The following GRID1 variants were observed in gnomAD, a reference collection of about 807,000 sequenced individuals.
The protein encoded by GRID1 is glutamate receptor ionotropic, delta-1.
GRID1 carries 28 observed loss-of-function variants against 98.0 expected under a neutral mutation model. The ratio of observed to expected loss-of-function variants is 0.29; its 90% CI spans 0.21 to 0.39. GRID1 has a LOEUF of 0.39. Among genes scored for constraint, GRID1 ranks in the 10% least tolerant of loss-of-function variants. The pLI is 1.00. For missense variants in GRID1, 1,111 were observed against 1,340.5 expected, an observed-to-expected ratio of 0.83 and a Z score of 2.67; for synonymous variants, 553 against 538.5, an observed-to-expected ratio of 1.03 and a Z score of -0.37.
chr10:86,304,015 C>A (rs1335750227), intron 2 of GRID1, among the ~76,000 whole-genome samples: 1 of 152,200 alleles, frequency 6.6e-6, no homozygotes, highest in African/African-American at 2.4e-5. Context: ...CCATCATTTC[C>A]TCCCCTCCAG....
intron 4 of GRID1, among the ~76,000 whole-genome samples, chr10:86,038,251 G>A (rs61856050): frequency 0.095 from 14,391 of 152,156 alleles, 820 homozygotes; most frequent in African/African-American, 0.15. Flanking sequence ...ACCGTGGCCA[G>A]TTTCAAGCTA....
In GRID1 at chr10:85,793,133, A is replaced by G. The variant is rs116636659; in HGVS notation, c.1233+61363T>C. Among the ~76,000 whole-genome samples the G allele has an allele frequency of 5.0e-3, 753 of 151,982 alleles. 8 individuals carry two copies. Among genetic ancestry groups the G allele is most frequent in the African/African-American group, 0.016 (659 of 41,474 alleles). On this transcript the variant is annotated intron_variant, in intron 8 of 15. Transcript: ENST00000327946. ...GGGCTTTGAAGCCTTTCCACGTCCA[A>G]TTTCCATCTTCCTCTCCCAAAGGGT...
chr10:85,829,893 T>C (rs1421984333), intron 8 of GRID1, among the ~76,000 whole-genome samples: 1 of 152,144 alleles, frequency 6.6e-6, no homozygotes, highest in Non-Finnish European at 1.5e-5. Context: ...TACTGTGCAA[T>C]TTACAGATGC....
chr10:85,902,065 G>C (rs1242553978), intron 5 of GRID1, among the ~76,000 whole-genome samples: 1 of 152,136 alleles, frequency 6.6e-6, no homozygotes, highest in Non-Finnish European at 1.5e-5. Context: ...TGCCATAATA[G>C]ATTTTAAAAA....
At chr10:86,170,323 C>T (rs1845464738) in intron 3 of GRID1, among the ~76,000 whole-genome samples, 1 of 152,218 alleles carries the variant, frequency 6.6e-6, no homozygotes, top group South Asian at 2.1e-4. Flanking sequence ...GTCCCTGTCG[C>T]CCACCATCTG....
chr10:85,903,549 C>A (rs770711053), intron 5 of GRID1, among the ~76,000 whole-genome samples: 13 of 152,168 alleles, frequency 8.5e-5, no homozygotes, highest in Non-Finnish European at 1.6e-4. Context: ...CTTAAGGCAG[C>A]TACCAGGGTA....
chr10:86,058,936 A>G (rs1278541112), intron 4 of GRID1, among the ~76,000 whole-genome samples: 1 of 152,242 alleles, frequency 6.6e-6, no homozygotes, highest in East Asian at 1.9e-4. Flanking sequence ...TAGGAAGAAC[A>G]GGTACTGGGC....
At chr10:86,216,892 G>C (rs947771906) in intron 2 of GRID1, among the ~76,000 whole-genome samples, 2 of 152,200 alleles carry the variant, frequency 1.3e-5, no homozygotes, top group African/African-American at 4.8e-5. Flanking sequence ...ATCCAGGGAA[G>C]GCTGGGGCCA....
At chr10:86,262,752 C>T (rs1368153406) in intron 2 of GRID1, among the ~76,000 whole-genome samples, 1 of 152,216 alleles carries the variant, frequency 6.6e-6, no homozygotes, top group East Asian at 1.9e-4. Context: ...AACCAAGGAA[C>T]ACTGCCTCTC....
Position 85,849,273 on chromosome 10 carries a change from C to A in GRID1, c.1233+5223G>T, listed in dbSNP as rs73336578. The stretch of plus-strand genomic sequence containing the variant: ...GACTGGGGTCCTATGGCGTGGCAAT[C>A]CCTGCACAAAGAGCAGTTATTACTC... On this transcript the variant is annotated intron_variant, in intron 8 of 15. Transcript: ENST00000327946. Among the ~76,000 whole-genome samples the A allele has an allele frequency of 5.7e-3, 868 of 152,308 alleles. 8 individuals carry two copies. Among genetic ancestry groups the A allele is most frequent in the African/African-American group, 0.02 (817 of 41,570 alleles).
intron 4 of GRID1, among the ~76,000 whole-genome samples, chr10:85,976,477 T>G (rs974519565): frequency 1.1e-4 from 17 of 152,228 alleles, no homozygotes; most frequent in Admixed American, 3.3e-4. Flanking sequence ...TGGCACCTCC[T>G]TCAGGTGAGT....
chr10:86,211,067 T>C (rs923878072), intron 2 of GRID1, among the ~76,000 whole-genome samples: 1 of 152,150 alleles, frequency 6.6e-6, no homozygotes, highest in African/African-American at 2.4e-5. Flanking sequence ...TTTCTTTCTT[T>C]CTTCTTGGGG....
intron 4 of GRID1, among the ~76,000 whole-genome samples, chr10:85,998,040 C>T (rs1379824803): frequency 2.6e-5 from 4 of 152,028 alleles, no homozygotes; most frequent in Non-Finnish European, 5.9e-5. Flanking sequence ...CAAATAAATG[C>T]ATAATTTTAT....
At chr10:85,714,279 C>T (rs556633257) in intron 12 of GRID1, among the ~76,000 whole-genome samples, 2 of 151,740 alleles carry the variant, frequency 1.3e-5, no homozygotes, top group African/African-American at 4.8e-5. Context: ...GAGGAAGGAG[C>T]GTATCAGAAA....
intron 4 of GRID1, among the ~76,000 whole-genome samples, chr10:86,070,798 G>A (rs955562074): frequency 6.6e-6 from 1 of 152,210 alleles, no homozygotes; most frequent in Non-Finnish European, 1.5e-5. Flanking sequence ...AGCTGATACA[G>A]AGAGTAACAG....
At chr10:85,837,222 C>G (rs1013645821) in intron 8 of GRID1, among the ~76,000 whole-genome samples, 3 of 152,166 alleles carry the variant, frequency 2.0e-5, no homozygotes, top group Admixed American at 6.5e-5. Context: ...TGAGCAATCA[C>G]TAGCTTATGG....
chr10:85,960,820 C>G (rs1297563565), intron 4 of GRID1, among the ~76,000 whole-genome samples: 1 of 152,222 alleles, frequency 6.6e-6, no homozygotes, highest in African/African-American at 2.4e-5. Flanking sequence ...ATGGATGCAC[C>G]ATTGTGAGCA....
intron 4 of GRID1, among the ~76,000 whole-genome samples, chr10:86,067,099 T>C (rs1379015533): frequency 1.3e-5 from 2 of 152,358 alleles, no homozygotes; most frequent in South Asian, 2.1e-4. Context: ...GCACGCAGGA[T>C]GCCTTCGCCA....
chr10:85,900,177 C>T (rs1186790081), intron 5 of GRID1, among the ~76,000 whole-genome samples: 1 of 152,204 alleles, frequency 6.6e-6, no homozygotes, highest in African/African-American at 2.4e-5. Context: ...TGGGGAGCTC[C>T]ACCAGGGGCC....
Sources: gnomAD v4.1 joint callset for allele counts (sites outside exome capture counted in the v4.1 genomes callset) on GRCh38, gnomAD v4.1.1 for gene constraint, MANE v1.5 for transcripts, NCBI Gene and HGNC (gene_info 2026-07-23, HGNC 2026-07-21) for gene names.